Variants in GRIK4 observed in about 807,000 individuals in gnomAD.
The protein encoded by GRIK4 is glutamate receptor ionotropic, kainate 4.
GRIK4 carries 40 observed loss-of-function variants against 104.9 expected under a neutral mutation model. That is an observed-to-expected ratio of 0.38 (90% CI 0.30 to 0.50). The LOEUF (loss-of-function observed/expected upper bound fraction) is 0.50, where lower values mean the gene tolerates loss of function less well. Among genes scored for constraint, GRIK4 ranks in the 20% least tolerant of loss-of-function variants. The probability of loss-of-function intolerance (pLI) is 0.93; values close to 1 mark genes in which losing one functional copy is unlikely to be tolerated. For missense variants in GRIK4, 1,047 were observed against 1,308.1 expected (o/e 0.80, Z 3.08); for synonymous variants, 485 against 524.9 (o/e 0.92, Z 1.04).
intron 3 of GRIK4, among the ~76,000 whole-genome samples, chr11:120,757,355 G>A (rs1252336988): frequency 1.3e-5 from 2 of 152,222 alleles, no homozygotes; most frequent in Non-Finnish European, 2.9e-5. Flanking sequence ...TCTCTCTCTG[G>A]CTGTGTCTTT....
Position 120,939,807 on chromosome 11 carries a change from C to T in GRIK4, c.1477-540C>T, listed in dbSNP as rs1943677036. Among the ~76,000 whole-genome samples the T allele has an allele frequency of 6.6e-6, 1 of 152,124 alleles. No homozygotes were observed. Among genetic ancestry groups the T allele is most frequent in the African/African-American group, 2.4e-5 (1 of 41,408 alleles). ...CCAGCCTGGCCAGCATGGTGAAGCC[C>T]TGTGTCTACTAAAATTACAAAAATA... On this transcript the variant is annotated intron_variant, in intron 13 of 20. Coordinates refer to ENST00000527524, the MANE Select transcript of GRIK4 (RefSeq NM_014619.5). The surrounding 1 kb of genome is among the most constrained non-coding windows in gnomAD (Gnocchi z 5.6).
At chr11:120,891,736 C>G (rs1955303346) in intron 11 of GRIK4, among the ~76,000 whole-genome samples, 1 of 152,028 alleles carries the variant, frequency 6.6e-6, no homozygotes, top group Non-Finnish European at 1.5e-5. Context: ...ATGGTCACAT[C>G]GATGAATGTT....
chr11:120,648,649 C>T (rs965077171), intron 1 of GRIK4, among the ~76,000 whole-genome samples: 4 of 152,098 alleles, frequency 2.6e-5, no homozygotes, highest in Admixed American at 2.0e-4. Flanking sequence ...CCAGCATTCA[C>T]TGAACACTTG....
At position 120,967,432 on chromosome 11, in the gene GRIK4, G is replaced by A. The variant is rs41297897; in HGVS notation, c.2395+109G>A. The stretch of plus-strand genomic sequence containing the variant: ...ATGACTTGTAGGACCCATTGAGAAC[G>A]GCCTTGGAAGGAACCTAGGTATAAA... On this transcript the variant is annotated intron_variant, in intron 19 of 20. Coordinates refer to ENST00000527524, the MANE Select transcript of GRIK4 (RefSeq NM_014619.5). The surrounding 1 kb of genome is among the most constrained non-coding windows in gnomAD (Gnocchi z 4.2). 19,341 of 1,177,688 alleles carry A rather than the reference G, an allele frequency of 0.016. 198 individuals carry two copies. Among genetic ancestry groups the A allele is most frequent in the Middle Eastern group, 0.019 (87 of 4,602 alleles). The allele number at this position is 1,177,688 out of a possible 1,614,324, so 73.0% of individuals were successfully genotyped here.
intron 8 of GRIK4, among the ~76,000 whole-genome samples, chr11:120,845,857 C>T (rs896730609): frequency 1.3e-5 from 2 of 152,160 alleles, no homozygotes; most frequent in African/African-American, 4.8e-5. Flanking sequence ...TGTTTTAGTG[C>T]AACTAGAAAA....
chr11:120,755,999 A>G (rs189874411), intron 3 of GRIK4, among the ~76,000 whole-genome samples: 25 of 152,298 alleles, frequency 1.6e-4, no homozygotes, highest in African/African-American at 6.0e-4. Flanking sequence ...TTCTGTCTCC[A>G]GCATCATGAG....
chr11:120,813,182 G>T (rs1231456067), intron 4 of GRIK4, among the ~76,000 whole-genome samples: 2 of 152,244 alleles, frequency 1.3e-5, no homozygotes, highest in South Asian at 2.1e-4. Context: ...AAAGTAAGTG[G>T]CTGTGAGAGA....
intron 3 of GRIK4, among the ~76,000 whole-genome samples, chr11:120,777,858 A>T (rs1952073960): frequency 6.6e-6 from 1 of 151,648 alleles, no homozygotes; most frequent in Admixed American, 6.6e-5. Flanking sequence ...AATAGCTTGA[A>T]CTTGGGAGGT....
At chr11:120,540,397 A>C (rs1333913302) in intron 1 of GRIK4, among the ~76,000 whole-genome samples, 1 of 150,244 alleles carries the variant, frequency 6.7e-6, no homozygotes, top group Non-Finnish European at 1.5e-5. Flanking sequence ...GAGGGGGGCG[A>C]ATCACTTGAG....
intron 19 of GRIK4, among the ~76,000 whole-genome samples, chr11:120,978,402 G>A (rs1342640938): frequency 6.6e-6 from 1 of 152,176 alleles, no homozygotes; most frequent in African/African-American, 2.4e-5. Context: ...CCAGATGTGT[G>A]TCTGGGGAGT....
intron 19 of GRIK4, among the ~76,000 whole-genome samples, chr11:120,971,016 T>C (rs139029619): frequency 1.3e-5 from 2 of 152,292 alleles, no homozygotes; most frequent in African/African-American, 2.4e-5. Context: ...CCCAGGGCTG[T>C]TGCGAAGGTT....
intron 8 of GRIK4, among the ~76,000 whole-genome samples, chr11:120,861,630 A>C (rs2135632059): frequency 6.6e-6 from 1 of 152,202 alleles, no homozygotes; most frequent in South Asian, 2.1e-4. Context: ...GACACAGTTC[A>C]AGCATCCCAC....
At chr11:120,969,816 C>T (rs1214471357) in intron 19 of GRIK4, among the ~76,000 whole-genome samples, 1 of 152,116 alleles carries the variant, frequency 6.6e-6, no homozygotes, top group Non-Finnish European at 1.5e-5. Flanking sequence ...CTTATCAATC[C>T]TTCCTCTGAT....
intron 1 of GRIK4, among the ~76,000 whole-genome samples, chr11:120,639,028 C>T (rs932754361): frequency 2.0e-5 from 3 of 151,688 alleles, no homozygotes; most frequent in Admixed American, 1.3e-4. Context: ...GAAACCCCTT[C>T]TGTACTAAAA....
At chr11:120,644,431 G>T (rs1028706354) in intron 1 of GRIK4, among the ~76,000 whole-genome samples, 14 of 152,320 alleles carry the variant, frequency 9.2e-5, no homozygotes, top group African/African-American at 3.4e-4. Context: ...ATAGCCCCGT[G>T]AGGTAGGTAC....
chr11:120,905,539 G>GGGCTGGGGGGGGGGGGGGTGGC lies in GRIK4; in HGVS notation c.1476+46_1476+47insGGCTGGGGGGGGGGGGGGTGGC. The stretch of plus-strand genomic sequence containing the variant: ...CTGGGCCTGAGGGTGGGCTGGGAGG[G>GGGCTGGGGGGGGGGGGGGTGGC]ATTGGAAGAGCATGAGGTTGTGCTG... On this transcript the variant is annotated intron_variant, in intron 13 of 20. Coordinates refer to ENST00000527524, the MANE Select transcript of GRIK4 (RefSeq NM_014619.5). This position sits in a 1 kb window ranked among gnomAD's most constrained non-coding sequence, Gnocchi z 5.1. 1 of 503,048 alleles carries GGGCTGGGGGGGGGGGGGGTGGC rather than the reference G, an allele frequency of 2.0e-6. No homozygotes were observed. Among genetic ancestry groups the GGGCTGGGGGGGGGGGGGGTGGC allele is most frequent in the East Asian group, 5.7e-5 (1 of 17,672 alleles). The allele number at this position is 503,048 out of a possible 1,614,324, so 31.2% of individuals were successfully genotyped here. A position where few individuals can be genotyped will look rare whatever the true frequency, so the allele number is the denominator to read the frequency against.
At chr11:120,934,021 A>G (rs892642359) in intron 13 of GRIK4, among the ~76,000 whole-genome samples, 2 of 151,968 alleles carry the variant, frequency 1.3e-5, no homozygotes, top group Admixed American at 1.3e-4. Context: ...TGGCTAACAC[A>G]GTGAAACCCC....
chr11:120,805,977 G>A (rs1218144920), intron 4 of GRIK4, among the ~76,000 whole-genome samples: 2 of 152,228 alleles, frequency 1.3e-5, no homozygotes, highest in East Asian at 1.9e-4. Flanking sequence ...GGTCTCCCAT[G>A]TATTAGCTGT....
intron 3 of GRIK4, among the ~76,000 whole-genome samples, chr11:120,696,613 G>T (rs1950453395): frequency 6.6e-6 from 1 of 151,924 alleles, no homozygotes; most frequent in African/African-American, 2.4e-5. Context: ...CTTTGGAAGA[G>T]AATAGAAGCA....
Sources: allele counts gnomAD v4.1 joint callset (sites outside exome capture counted in the v4.1 genomes callset), GRCh38; gene constraint gnomAD v4.1.1; non-coding constraint Gnocchi (gnomAD v3.1); transcripts MANE v1.5; gene names NCBI Gene and HGNC (gene_info 2026-07-23, HGNC 2026-07-21).